The following MCFD2 variants were observed in gnomAD, a reference collection of about 807,000 sequenced individuals.
MCFD2 encodes the protein multiple coagulation factor deficiency protein 2.
A neutral mutation model predicts 12.8 loss-of-function variants in MCFD2; 11 were observed. The observed-to-expected ratio is 0.86, with a 90% CI of 0.54 to 1.42. The LOEUF is 1.42. Among genes scored for constraint, MCFD2 ranks in the 40% most tolerant of loss-of-function variants. The pLI is 0.00. For synonymous variants in MCFD2, 70 were observed against 68.1 expected (o/e 1.03, Z -0.14); for missense variants, 191 against 178.6 (o/e 1.07, Z -0.40).
intron 1 of MCFD2, among the ~76,000 whole-genome samples, chr2:46,920,943 C>T (rs374386058): frequency 1.6e-4 from 24 of 150,474 alleles, no homozygotes; most frequent in African/African-American, 5.9e-4. Flanking sequence ...TTTAAAAAGG[C>T]ATCTGACAAA....
intron 1 of MCFD2, among the ~76,000 whole-genome samples, chr2:46,935,182 C>A (rs918459141): frequency 1.3e-5 from 2 of 152,104 alleles, no homozygotes; most frequent in Non-Finnish European, 2.9e-5. Flanking sequence ...GAAGGCTTGT[C>A]CCTGCTGGAA....
At chr2:46,919,943 C>A (rs1354860980), upstream of MCFD2, among the ~76,000 whole-genome samples, 1 of 152,226 alleles carries the variant, frequency 6.6e-6, no homozygotes, top group Non-Finnish European at 1.5e-5. Flanking sequence ...ATTTCTCTCT[C>A]CCTTATTCAT....
chr2:46,925,335 A>G (rs1259099256), intron 1 of MCFD2, among the ~76,000 whole-genome samples: 1 of 152,072 alleles, frequency 6.6e-6, no homozygotes, highest in Non-Finnish European at 1.5e-5. Flanking sequence ...AGGTGGGCGG[A>G]TCACTTGAGG....
chr2:46,907,741 G>C lies in MCFD2; in HGVS notation c.309+69C>G, dbSNP rs1036772973. On this transcript the variant is annotated intron_variant, in intron 3 of 3. Coordinates refer to ENST00000319466, the MANE Select transcript of MCFD2 (RefSeq NM_139279.6). This position sits in a 1 kb window ranked among gnomAD's most constrained non-coding sequence, Gnocchi z 4.1. The stretch of plus-strand genomic sequence containing the variant: ...ACATAAGGACAACACAAGTCAACAA[G>C]ACTGGGGACCAAATTAACAAAGGGA... 5.9e-6 allele frequency: 9 copies of C among 1,529,186 alleles called. No homozygotes were observed. In the African/African-American group the frequency reaches 9.5e-5, roughly 16 times the overall value. 94.7% of individuals were successfully genotyped at this position (1,529,186 alleles called of 1,614,324 possible). A position where few individuals can be genotyped will look rare whatever the true frequency, so the allele number is the denominator to read the frequency against.
At chr2:46,917,945 C>T (rs1021289706), upstream of MCFD2, among the ~76,000 whole-genome samples, 30 of 152,316 alleles carry the variant, frequency 2.0e-4, no homozygotes, top group East Asian at 5.4e-3. Context: ...ATCAAAGTGT[C>T]CAGGGTTCTG....
In MCFD2 at chr2:46,907,959, C is replaced by G. The variant is rs543577609; in HGVS notation, c.160G>C (p.Glu54Gln). ...TTGTTGATGACACCTTCTAGATGCT[C>G]CATGATATGCCTAAAAATCAACAGT... ...NTVHDQEHIM[E>Q]HLEGVINKPE... Residue 54 changes from glutamate (E) to glutamine (Q), a missense_variant, in exon 3 of 4, where the codon GAG becomes CAG. Physicochemically the swap from Glu to Gln is conservative, Grantham distance 29. Coordinates refer to ENST00000319466, the MANE Select transcript of MCFD2 (RefSeq NM_139279.6). This position sits in a 1 kb window ranked among gnomAD's most constrained non-coding sequence, Gnocchi z 4.1. The G allele has an allele frequency of 2.5e-6, 4 of 1,614,150 alleles. No individual in the cohort carries two copies. Among genetic ancestry groups the G allele is most frequent in the East Asian group, 4.5e-5 (2 of 44,888 alleles).
chr2:46,939,454 T>C (rs1301280404), intron 1 of MCFD2, among the ~76,000 whole-genome samples: 1 of 152,128 alleles, frequency 6.6e-6, no homozygotes, highest in Admixed American at 6.5e-5. Flanking sequence ...ATTAAAAATG[T>C]GAGCCATGAA....
chr2:46,911,862 C>T (rs1668500658), intron 1 of MCFD2, among the ~76,000 whole-genome samples: 1 of 151,416 alleles, frequency 6.6e-6, no homozygotes, highest in Non-Finnish European at 1.5e-5. Flanking sequence ...GAGGTGGAGC[C>T]TGCAGTGAGC....
chr2:46,933,900 C>A (rs1434894260), intron 1 of MCFD2, among the ~76,000 whole-genome samples: 1 of 151,956 alleles, frequency 6.6e-6, no homozygotes, highest in Non-Finnish European at 1.5e-5. Context: ...TCTAAGGGAC[C>A]CCACATGGTA....
At chr2:46,914,086 AGCTGACCTG>A (rs1348332255) in intron 1 of MCFD2, 1 of 152,226 alleles carries the variant, frequency 6.6e-6, no homozygotes, top group Non-Finnish European at 1.5e-5. Context: ...ATCTCTGCTG[AGCTGACCTG>A]GCTCATCGCT....
chr2:46,932,398 C>T (rs547089447), intron 1 of MCFD2, among the ~76,000 whole-genome samples: 8 of 152,294 alleles, frequency 5.3e-5, no homozygotes, highest in African/African-American at 1.7e-4. Context: ...ATCCTCGCAC[C>T]TTGGCCTCCC....
intron 1 of MCFD2, among the ~76,000 whole-genome samples, chr2:46,932,408 C>G (rs1172465837): frequency 6.6e-6 from 1 of 152,160 alleles, no homozygotes; most frequent in Non-Finnish European, 1.5e-5. Flanking sequence ...CTTGGCCTCC[C>G]AAAGTGCTGG....
intron 1 of MCFD2, among the ~76,000 whole-genome samples, chr2:46,930,616 C>CA (rs1374744274): frequency 6.6e-6 from 1 of 151,698 alleles, no homozygotes; most frequent in Non-Finnish European, 1.5e-5. Context: ...TCTCCTGCCT[C>CA]AGCCTCCCAA....
upstream of MCFD2, chr2:46,915,889 G>A: frequency 3.1e-6 from 3 of 980,030 alleles, no homozygotes; most frequent in Non-Finnish European, 3.6e-6. Context: ...GGCCCCTCCC[G>A]CTGGCGGCGG....
At chr2:46,925,318 G>A (rs1166135396) in intron 1 of MCFD2, among the ~76,000 whole-genome samples, 2 of 152,130 alleles carry the variant, frequency 1.3e-5, no homozygotes, top group African/African-American at 4.8e-5. Context: ...AGCACTTTGG[G>A]AGGCTAAGGT....
At chr2:46,923,793 C>T (rs1669236561) in intron 1 of MCFD2, among the ~76,000 whole-genome samples, 3 of 151,986 alleles carry the variant, frequency 2.0e-5, no homozygotes, top group Middle Eastern at 3.4e-3. Flanking sequence ...AGTGCAATGG[C>T]GCCATCTCAG....
intron 1 of MCFD2, among the ~76,000 whole-genome samples, chr2:46,930,357 G>A (rs952205641): frequency 2.0e-5 from 3 of 147,920 alleles, no homozygotes; most frequent in South Asian, 2.1e-4. Flanking sequence ...TAAATTCTAC[G>A]AACACTTAAA....
At chr2:46,924,991 A>G (rs1307101587) in intron 1 of MCFD2, among the ~76,000 whole-genome samples, 4 of 152,244 alleles carry the variant, frequency 2.6e-5, no homozygotes, top group African/African-American at 9.6e-5. Context: ...CAAATGGGGT[A>G]GCTTGGATAC....
At chr2:46,933,275 A>G (rs141924219) in intron 1 of MCFD2, among the ~76,000 whole-genome samples, 3 of 152,344 alleles carry the variant, frequency 2.0e-5, no homozygotes, top group African/African-American at 7.2e-5. Context: ...CTGGAGAGAT[A>G]TTGGTATCTC....
Sources: allele counts gnomAD v4.1 joint callset (sites outside exome capture counted in the v4.1 genomes callset), GRCh38; gene constraint gnomAD v4.1.1; non-coding constraint Gnocchi (gnomAD v3.1); transcripts MANE v1.5; gene names NCBI Gene and HGNC (gene_info 2026-07-23, HGNC 2026-07-21).